Variants in SVOP observed in about 807,000 individuals in gnomAD.
SVOP encodes the protein SV2 related protein.
SVOP carries 17 observed loss-of-function variants against 69.1 expected under a neutral mutation model. The ratio of observed to expected loss-of-function variants is 0.25; its 90% CI spans 0.17 to 0.37. The LOEUF is 0.37. Ranked by LOEUF, SVOP falls within the 10% of genes least tolerant of loss-of-function variation. The probability of loss-of-function intolerance (pLI) is 1.00; values close to 1 mark genes in which losing one functional copy is unlikely to be tolerated. For missense variants in SVOP, 435 were observed against 597.5 expected, an observed-to-expected ratio of 0.73 and a Z score of 2.84; for synonymous variants, 238 against 238.6, an observed-to-expected ratio of 1.00 and a Z score of 0.02.
rs754868666 is a variant in SVOP at position 108,922,715 on chromosome 12, C to A, written c.1131G>T (p.Leu377=). ...YLSEEDYMDL[L]WTTLSEFPGV... is the part of the protein sequence containing the mutation. ...CTGGAAACTCAGAGAGGGTGGTCCA[C>A]AGCAAGTCCATGTAATCCTCCTCAC... Residue 377 remains leucine (L), a synonymous_variant, in exon 12 of 16, where the codon CTG becomes CTT. Coordinates refer to ENST00000610966, the MANE Select transcript of SVOP (RefSeq NM_018711.5). 7.5e-6 allele frequency: 12 copies of A among 1,610,694 alleles called. No individual in the cohort carries two copies. Among genetic ancestry groups the A allele is most frequent in the Middle Eastern group, 1.6e-4 (1 of 6,082 alleles).
intron 1 of SVOP, among the ~76,000 whole-genome samples, chr12:108,990,870 C>T (rs36179305): frequency 0.89 from 135,237 of 152,134 alleles, 61,232 homozygotes; most frequent in Non-Finnish European, 0.99. Flanking sequence ...CCCAGAAGGC[C>T]TGATTCAGAA....
intron 1 of SVOP, among the ~76,000 whole-genome samples, chr12:109,018,242 C>T (rs2040379123): frequency 1.3e-5 from 2 of 152,210 alleles, no homozygotes; most frequent in African/African-American, 4.8e-5. Context: ...GAACTGGATG[C>T]AAACTCTCAG....
At chr12:108,955,459 A>G (rs1054294679) in intron 6 of SVOP, among the ~76,000 whole-genome samples, 2 of 152,188 alleles carry the variant, frequency 1.3e-5, no homozygotes, top group African/African-American at 4.8e-5. Flanking sequence ...TTCAAGCTCC[A>G]GTGGTTTGTA....
At chr12:109,017,069 A>G (rs1334245082) in intron 1 of SVOP, among the ~76,000 whole-genome samples, 1 of 152,120 alleles carries the variant, frequency 6.6e-6, no homozygotes, top group Non-Finnish European at 1.5e-5. Context: ...AACTTTCTGC[A>G]ATTATGGAAA....
chr12:108,960,849 C>T (rs1333631291), intron 6 of SVOP, 74 bp downstream of exon 6: 3 of 1,502,876 alleles, frequency 2.0e-6, no homozygotes, highest in African/African-American at 1.4e-5. Flanking sequence ...CAGCCCCTAA[C>T]TCCTGATCCA....
intron 1 of SVOP, among the ~76,000 whole-genome samples, chr12:109,003,668 G>A (rs560631221): frequency 9.9e-5 from 15 of 152,186 alleles, no homozygotes; most frequent in South Asian, 4.1e-4. Flanking sequence ...GAGTGCAGTC[G>A]TGCAATAAAG....
intron 1 of SVOP, among the ~76,000 whole-genome samples, chr12:109,006,255 G>T (rs2135626536): frequency 6.6e-6 from 1 of 152,236 alleles, no homozygotes; most frequent in South Asian, 2.1e-4. Flanking sequence ...GTTTCACCAT[G>T]TTGGCCAGAA....
At chr12:108,934,727 G>A (rs1375042280) in intron 10 of SVOP, among the ~76,000 whole-genome samples, 1 of 152,146 alleles carries the variant, frequency 6.6e-6, no homozygotes, top group Non-Finnish European at 1.5e-5. Flanking sequence ...AGTGACCTCT[G>A]GTCATCCTCA....
At chr12:108,966,130 A>G (rs2040044246) in intron 5 of SVOP, among the ~76,000 whole-genome samples, 1 of 152,022 alleles carries the variant, frequency 6.6e-6, no homozygotes, top group African/African-American at 2.4e-5. Flanking sequence ...GCCCCCAAGT[A>G]GCCTGGACCA....
At chr12:109,001,411 C>T (rs1239859689) in intron 1 of SVOP, among the ~76,000 whole-genome samples, 2 of 151,360 alleles carry the variant, frequency 1.3e-5, no homozygotes, top group African/African-American at 4.9e-5. Flanking sequence ...TCAATGCCAT[C>T]CCCATAAAGC....
chr12:108,918,357 T>A (rs2039726978), intron 13 of SVOP, among the ~76,000 whole-genome samples: 1 of 152,192 alleles, frequency 6.6e-6, no homozygotes, highest in African/African-American at 2.4e-5. Context: ...ACACCTGTGG[T>A]GCCCAGGATG....
At position 108,912,551 on chromosome 12, in the gene SVOP, G is replaced by A. The variant is rs771453927; in HGVS notation, c.1631C>T (p.Ser544Phe). 4 of 1,613,692 alleles carry A rather than the reference G, an allele frequency of 2.5e-6. No individual in the cohort carries two copies. In the South Asian group the frequency reaches 4.4e-5, roughly 18 times the overall value. ...MHGAGVTRSNSGSQE is the reference protein window; with the variant it reads ...MHGAGVTRSNFGSQE ...CATCGGTCACTATTCCTGAGAGCCAGAGTTCGACCTGGTAACACCTGCACC... is the reference window on the plus strand; with the variant it reads ...CATCGGTCACTATTCCTGAGAGCCAAAGTTCGACCTGGTAACACCTGCACC... The change falls in exon 16 of 16, where the codon TCT becomes TTT. Residue 544 changes from serine (S) to phenylalanine (F), a missense_variant. Transcript: ENST00000610966.
At chr12:108,981,741 T>G (rs2040136128) in intron 2 of SVOP, among the ~76,000 whole-genome samples, 1 of 152,178 alleles carries the variant, frequency 6.6e-6, no homozygotes, top group South Asian at 2.1e-4. Context: ...ACATGTAAAC[T>G]GGTTAGAGCA....
At chr12:108,973,282 T>G (rs2040089122) in intron 4 of SVOP, among the ~76,000 whole-genome samples, 3 of 152,212 alleles carry the variant, frequency 2.0e-5, no homozygotes, top group Admixed American at 2.0e-4. Context: ...TTCAGTTTGG[T>G]CTGACCCAAA....
At chr12:108,926,265 C>A (rs577199651) in intron 11 of SVOP, among the ~76,000 whole-genome samples, 1 of 152,282 alleles carries the variant, frequency 6.6e-6, no homozygotes, top group South Asian at 2.1e-4. Context: ...TTAGCTCCCA[C>A]TTATAAGTAA....
Position 108,972,405 on chromosome 12 carries a change from T to C in SVOP, c.453A>G (p.Thr151=), listed in dbSNP as rs1374613494. 1 of 1,537,066 alleles carries C rather than the reference T, an allele frequency of 6.5e-7. No individual in the cohort carries two copies. Among genetic ancestry groups the C allele is most frequent in the Non-Finnish European group, 8.7e-7 (1 of 1,146,894 alleles). The part of the protein sequence containing the change: ...GNISDQYGRK[T]GLKISVLWTL... ...GTTTAGAAGAGTAAGTTTGCCTTAC[T>C]GTTTTCCTGCCGTACTGGTCTGAGA... is the stretch of plus-strand genomic sequence containing the variant. Residue 151 remains threonine (T), a splice_region_variant and synonymous_variant, in exon 5 of 16, where the codon ACA becomes ACG. Transcript: ENST00000610966.
intron 2 of SVOP, among the ~76,000 whole-genome samples, chr12:108,981,094 G>A (rs2040133150): frequency 6.6e-6 from 1 of 152,188 alleles, no homozygotes; most frequent in South Asian, 2.1e-4. Flanking sequence ...CACATTAGCA[G>A]GTTGTGGTTT....
At chr12:109,005,458 C>T (rs1282372515) in intron 1 of SVOP, among the ~76,000 whole-genome samples, 2 of 152,150 alleles carry the variant, frequency 1.3e-5, no homozygotes, top group Non-Finnish European at 2.9e-5. Flanking sequence ...GGCTGACATG[C>T]TGAGTGAGTG....
chr12:108,922,806 G>C lies in SVOP; in HGVS notation c.1049-9C>G. On this transcript the variant is annotated splice_polypyrimidine_tract_variant and intron_variant, in intron 11 of 15. Transcript: ENST00000610966. ...CTTCTTCCGACTGGAGACTGGGGTT[G>C]GGAGAGAGAAAGAGAGGGGGAGACA... is the stretch of plus-strand genomic sequence containing the variant. 6.3e-7 allele frequency: 1 copy of C among 1,590,606 alleles called. No individual in the cohort carries two copies. Among genetic ancestry groups the C allele is most frequent in the Non-Finnish European group, 8.6e-7 (1 of 1,166,518 alleles).
Sources: allele counts gnomAD v4.1 joint callset (sites outside exome capture counted in the v4.1 genomes callset), GRCh38; gene constraint gnomAD v4.1.1; transcripts MANE v1.5; gene names NCBI Gene and HGNC (gene_info 2026-07-23, HGNC 2026-07-21).